Variants in EYA2 observed in about 807,000 individuals in gnomAD.
EYA2 encodes the protein protein phosphatase EYA2.
EYA2 carries 31 observed loss-of-function variants against 69.2 expected under a neutral mutation model. That is an observed-to-expected ratio of 0.45 (90% CI 0.34 to 0.60). EYA2 has a LOEUF of 0.60. EYA2 is among the 20% of genes least tolerant of loss of function. The probability of loss-of-function intolerance (pLI) is 0.02; values close to 1 mark genes in which losing one functional copy is unlikely to be tolerated. For missense variants in EYA2, 622 were observed against 701.2 expected (o/e 0.89, Z 1.28); for synonymous variants, 257 against 279.4 (o/e 0.92, Z 0.80).
chr20:46,909,224 G>T (rs947299651), intron 1 of EYA2, among the ~76,000 whole-genome samples: 1 of 152,126 alleles, frequency 6.6e-6, no homozygotes, highest in African/African-American at 2.4e-5. Flanking sequence ...GAATGGCAAA[G>T]AACTTTTTAT....
At chr20:47,099,472 GCACCA>G (rs2032361442) in intron 9 of EYA2, among the ~76,000 whole-genome samples, 1 of 152,160 alleles carries the variant, frequency 6.6e-6, no homozygotes, top group Non-Finnish European at 1.5e-5. Flanking sequence ...AGCTATGATC[GCACCA>G]CTGCACTCTA....
chr20:47,081,320 G>A (rs2031705472), intron 7 of EYA2, among the ~76,000 whole-genome samples: 1 of 151,380 alleles, frequency 6.6e-6, no homozygotes, highest in Admixed American at 6.6e-5. Flanking sequence ...GATTTTAAGT[G>A]TTTTTAGTAA....
At chr20:47,060,378 T>A (rs564172344) in intron 5 of EYA2, among the ~76,000 whole-genome samples, 1 of 150,034 alleles carries the variant, frequency 6.7e-6, no homozygotes, top group East Asian at 2.0e-4. Flanking sequence ...CTGCAGTCAC[T>A]CCAGGAACAT....
At chr20:47,034,097 C>T (rs6066174) in intron 5 of EYA2, among the ~76,000 whole-genome samples, 141,683 of 152,258 alleles carry the variant, frequency 0.93, 66,138 homozygotes, top group Non-Finnish European at 0.97. Context: ...CCTGCAAATA[C>T]TTCTTTTTAA....
intron 5 of EYA2, among the ~76,000 whole-genome samples, chr20:47,044,351 C>T (rs2146421549): frequency 6.6e-6 from 1 of 152,274 alleles, no homozygotes; most frequent in East Asian, 1.9e-4. Flanking sequence ...CCACTGTGTG[C>T]CAGGCATTGT....
intron 1 of EYA2, among the ~76,000 whole-genome samples, chr20:46,981,319 A>G (rs939183378): frequency 8.5e-5 from 13 of 152,188 alleles, no homozygotes; most frequent in Non-Finnish European, 1.9e-4. Context: ...AGTTGCCTTG[A>G]GTTGCTTGTT....
intron 1 of EYA2, among the ~76,000 whole-genome samples, chr20:46,903,804 T>C (rs1456081187): frequency 7.1e-6 from 1 of 141,120 alleles, no homozygotes; most frequent in Non-Finnish European, 1.6e-5. Flanking sequence ...TGAAGCAAAT[T>C]ACTTAGACTC....
intron 9 of EYA2, among the ~76,000 whole-genome samples, chr20:47,137,504 A>G (rs3787243): frequency 0.017 from 2,620 of 152,298 alleles, 112 homozygotes; most frequent in East Asian, 0.17. Context: ...CCGAAAGAGC[A>G]TGGTGTGAAA....
chr20:47,045,896 G>A (rs2030012502), intron 5 of EYA2, among the ~76,000 whole-genome samples: 1 of 152,156 alleles, frequency 6.6e-6, no homozygotes, highest in South Asian at 2.1e-4. Context: ...AGGAGACCCA[G>A]ACTCTTCTCA....
intron 1 of EYA2, among the ~76,000 whole-genome samples, chr20:46,914,511 C>G (rs1166623531): frequency 6.6e-6 from 1 of 152,048 alleles, no homozygotes; most frequent in East Asian, 1.9e-4. Flanking sequence ...ACAATCATGG[C>G]GGAAGGGGAA....
intron 10 of EYA2, among the ~76,000 whole-genome samples, chr20:47,159,380 T>C (rs1054147724): frequency 3.9e-5 from 6 of 151,916 alleles, no homozygotes; most frequent in African/African-American, 1.4e-4. Flanking sequence ...TTTTACAAAA[T>C]ACCTGACCAG....
chr20:47,057,511 C>CG (rs1568750754), intron 5 of EYA2, among the ~76,000 whole-genome samples: 1 of 80,688 alleles, frequency 1.2e-5, no homozygotes, highest in African/African-American at 7.3e-5. Context: ...TTTTATATCA[C>CG]CCCCCCCCCC....
chr20:47,088,225 CT>C (rs2031957768), intron 7 of EYA2, among the ~76,000 whole-genome samples: 2 of 152,152 alleles, frequency 1.3e-5, no homozygotes, highest in South Asian at 4.1e-4. Flanking sequence ...CAGAGCGAGA[CT>C]CCGTCTCAAA....
chr20:46,982,998 T>C (rs1980938123), intron 1 of EYA2, among the ~76,000 whole-genome samples: 1 of 152,126 alleles, frequency 6.6e-6, no homozygotes, highest in Admixed American at 6.6e-5. Flanking sequence ...GGTCTCAAAC[T>C]CCTGCTTCAG....
At chr20:47,024,428 A>G (rs905040827) in intron 5 of EYA2, among the ~76,000 whole-genome samples, 1 of 152,198 alleles carries the variant, frequency 6.6e-6, no homozygotes, top group Non-Finnish European at 1.5e-5. Flanking sequence ...TCCCAGCTCC[A>G]TTATGAGCTC....
At chr20:47,028,664 A>G (rs932705008) in intron 5 of EYA2, among the ~76,000 whole-genome samples, 7 of 152,232 alleles carry the variant, frequency 4.6e-5, no homozygotes, top group Admixed American at 2.0e-4. Flanking sequence ...CAATAATCCA[A>G]TGATGGCACA....
chr20:46,924,844 C>T (rs1985345694), intron 1 of EYA2, among the ~76,000 whole-genome samples: 2 of 152,078 alleles, frequency 1.3e-5, no homozygotes, highest in African/African-American at 4.8e-5. Flanking sequence ...AAACTCAGAC[C>T]AAGGAGGCTG....
At chr20:46,956,799 T>C (rs925670966) in intron 1 of EYA2, among the ~76,000 whole-genome samples, 1 of 152,198 alleles carries the variant, frequency 6.6e-6, no homozygotes, top group Admixed American at 6.5e-5. Context: ...CTGGATAACT[T>C]ATAAAGAAAA....
At chr20:47,167,937 T>C (rs1018023092) in intron 10 of EYA2, among the ~76,000 whole-genome samples, 2 of 152,122 alleles carry the variant, frequency 1.3e-5, no homozygotes, top group Admixed American at 6.5e-5. Context: ...GGGGATCAGA[T>C]CGCATGCTCA....
Sources: gnomAD v4.1 joint callset for allele counts (sites outside exome capture counted in the v4.1 genomes callset) on GRCh38, gnomAD v4.1.1 for gene constraint, MANE v1.5 for transcripts, NCBI Gene and HGNC (gene_info 2026-07-23, HGNC 2026-07-21) for gene names.